The following ZNF512 variants were observed in gnomAD, a reference collection of about 807,000 sequenced individuals.
The protein encoded by ZNF512 is zinc finger protein 512.
Under a neutral mutation model 77.5 loss-of-function variants are expected in ZNF512, and 25 were observed. That is an observed-to-expected ratio of 0.32 (90% CI 0.23 to 0.45). The LOEUF is 0.45. Among genes scored for constraint, ZNF512 ranks in the 20% least tolerant of loss-of-function variants. The probability of loss-of-function intolerance (pLI) is 1.00; values close to 1 mark genes in which losing one functional copy is unlikely to be tolerated. For missense variants in ZNF512, 483 were observed against 692.6 expected (o/e 0.70, Z 3.40); for synonymous variants, 246 against 239.9 (o/e 1.03, Z -0.24).
intron 10 of ZNF512, 44 bp downstream of exon 10, chr2:27,608,083 C>T (rs1455509295): frequency 4.7e-6 from 7 of 1,500,518 alleles, no homozygotes; most frequent in East Asian, 4.6e-5. Flanking sequence ...TTATGTCTAA[C>T]GTTGTGCCTA....
At chr2:27,611,393 A>G (rs1241029414) in intron 10 of ZNF512, among the ~76,000 whole-genome samples, 4 of 152,010 alleles carry the variant, frequency 2.6e-5, no homozygotes, top group Non-Finnish European at 4.4e-5. Context: ...ATACTTTCTC[A>G]AGATTAGGTT....
chr2:27,590,133 A>T (rs1671509401), intron 2 of ZNF512, among the ~76,000 whole-genome samples: 1 of 152,206 alleles, frequency 6.6e-6, no homozygotes. Flanking sequence ...TAGTTCTATC[A>T]GTTGCTGAAA....
chr2:27,616,185 G>C, intron 11 of ZNF512, 77 bp from the exon 12 acceptor site: 1 of 1,024,568 alleles, frequency 9.8e-7, no homozygotes, highest in Non-Finnish European at 1.5e-6. Context: ...TGTGGAGTTG[G>C]TCAGTGTAAA....
intron 10 of ZNF512, among the ~76,000 whole-genome samples, chr2:27,610,534 A>ATTTG (rs1553353326): frequency 1.2e-5 from 1 of 80,712 alleles, no homozygotes; most frequent in African/African-American, 6.7e-5. Context: ...GTGTGTATAT[A>ATTTG]TATGTGTGTG....
At chr2:27,608,418 TAAA>T (rs1424774169) in intron 10 of ZNF512, among the ~76,000 whole-genome samples, 4 of 152,174 alleles carry the variant, frequency 2.6e-5, no homozygotes, top group African/African-American at 9.7e-5. Context: ...TTTTTCAAAA[TAAA>T]ATCCTATGCA....
intron 1 of ZNF512, chr2:27,583,440 C>T: frequency 2.8e-6 from 4 of 1,446,324 alleles, no homozygotes; most frequent in Non-Finnish European, 2.7e-6. Context: ...TGGGACAGGG[C>T]TTTGAGAATG....
At chr2:27,596,691 T>G (rs1026304305) in intron 2 of ZNF512, among the ~76,000 whole-genome samples, 9 of 152,250 alleles carry the variant, frequency 5.9e-5, no homozygotes, top group South Asian at 2.1e-4. Flanking sequence ...TGGGCCTTAG[T>G]GGGCTTAGCT....
At chr2:27,608,138 C>A in intron 10 of ZNF512, 99 bp downstream of exon 10, 2 of 1,137,346 alleles carry the variant, frequency 1.8e-6, no homozygotes, top group Non-Finnish European at 2.4e-6. Flanking sequence ...ACGTGATAGG[C>A]AGTATTTTGT....
intron 7 of ZNF512, 80 bp from the exon 8 acceptor site, chr2:27,602,383 G>T: frequency 7.1e-7 from 1 of 1,408,440 alleles, no homozygotes; most frequent in Non-Finnish European, 9.6e-7. Context: ...TCCAATCCTT[G>T]ATTCTCCTCT....
intron 9 of ZNF512, among the ~76,000 whole-genome samples, chr2:27,605,760 G>A (rs996786674): frequency 3.7e-4 from 57 of 152,150 alleles, no homozygotes; most frequent in African/African-American, 1.3e-3. Context: ...ACAGGCATGA[G>A]CCACTGCACC....
chr2:27,614,677 C>CA (rs34716327), intron 10 of ZNF512, among the ~76,000 whole-genome samples: 1,455 of 100,376 alleles, frequency 0.014, 17 homozygotes, highest in African/African-American at 0.051. Context: ...GACTCCATCT[C>CA]AAAAAAAAAA....
intron 7 of ZNF512, 68 bp from the exon 8 acceptor site, chr2:27,602,395 A>C: frequency 6.7e-7 from 1 of 1,481,526 alleles, no homozygotes; most frequent in Non-Finnish European, 9.2e-7. Flanking sequence ...TTCTCCTCTG[A>C]TATTTTTTTT....
intron 11 of ZNF512, 95 bp downstream of exon 11, chr2:27,615,364 C>G: frequency 1.3e-6 from 1 of 742,548 alleles, no homozygotes; most frequent in Non-Finnish European, 2.1e-6. Context: ...ACCTGAACCT[C>G]AGTGGCTTAA....
intron 12 of ZNF512, among the ~76,000 whole-genome samples, 165 bp downstream of exon 12, chr2:27,616,489 A>T (rs528060847): frequency 4.6e-5 from 7 of 152,302 alleles, no homozygotes; most frequent in African/African-American, 1.7e-4. Context: ...ATTGGGTGGG[A>T]TGCCAGGGCA....
chr2:27,583,223 T>A (rs1217213480), intron 1 of ZNF512, 81 bp downstream of exon 1: 1 of 1,602,820 alleles, frequency 6.2e-7, no homozygotes, highest in African/African-American at 1.3e-5. Flanking sequence ...TTTTGTCCCA[T>A]GCTGAGTTGG....
chr2:27,593,067 A>G (rs1671666866), intron 2 of ZNF512, among the ~76,000 whole-genome samples: 2 of 151,678 alleles, frequency 1.3e-5, no homozygotes, highest in Non-Finnish European at 2.9e-5. Context: ...TAGTTTCGTT[A>G]AGATGTGTCT....
chr2:27,620,809 C>T (rs1279293325), intron 13 of ZNF512, among the ~76,000 whole-genome samples: 3 of 152,052 alleles, frequency 2.0e-5, no homozygotes, highest in Non-Finnish European at 4.4e-5. Flanking sequence ...CTCTTAGTTA[C>T]GATGCCGTCA....
At chr2:27,602,397 A>AT in intron 7 of ZNF512, 66 bp from the exon 8 acceptor site, 24 of 1,492,534 alleles carry the variant, frequency 1.6e-5, no homozygotes, top group South Asian at 2.5e-5. Flanking sequence ...CTCCTCTGAT[A>AT]TTTTTTTTCC....
chr2:27,610,579 T>TACA (rs1672611980), intron 10 of ZNF512, among the ~76,000 whole-genome samples: 1 of 57,230 alleles, frequency 1.7e-5, no homozygotes, highest in African/African-American at 8.9e-5. Flanking sequence ...TTTTTTTTTT[T>TACA]TTTTTTTTTT....
Sources: allele counts gnomAD v4.1 joint callset (sites outside exome capture counted in the v4.1 genomes callset), GRCh38; gene constraint gnomAD v4.1.1; transcripts MANE v1.5; gene names NCBI Gene and HGNC (gene_info 2026-07-23, HGNC 2026-07-21).